TEX46: variants seen among roughly 807,000 people sequenced by gnomAD.
The protein encoded by TEX46 is testis-expressed protein 46.
In TEX46, 6 loss-of-function variants were observed where a neutral mutation model predicts 5.3. That is an observed-to-expected ratio of 1.13 (90% CI 0.62 to 2.23). TEX46 has a LOEUF of 2.23. TEX46 is among the 30% of genes most tolerant of loss of function. The pLI is 0.00. For missense variants in TEX46, 131 were observed against 150.9 expected (o/e 0.87, Z 0.69); for synonymous variants, 41 against 54.6 (o/e 0.75, Z 1.10).
In TEX46 at chr1:23,011,009, G is replaced by T; in HGVS notation, c.258C>A (p.His86Gln). The T allele has an allele frequency of 1.3e-6, 2 of 1,535,836 alleles. No homozygotes were observed. Among genetic ancestry groups the T allele is most frequent in the Non-Finnish European group, 1.7e-6 (2 of 1,146,698 alleles). The change falls in exon 3 of 3, where the codon CAC becomes CAA. Residue 86 changes from histidine to glutamine, a missense_variant. Transcript: ENST00000566855. ...AATTCCGATGTCTGCTTGACCGCCCGTGGTGATTCATTTTATTCCATATGA... is the reference window on the plus strand; with the variant it reads ...AATTCCGATGTCTGCTTGACCGCCCTTGGTGATTCATTTTATTCCATATGA... ...MFIIWNKMNH[H>Q]GRSSRHRNFP...
chr1:23,013,069 T>C (rs1641375266), intron 2 of TEX46, among the ~76,000 whole-genome samples: 1 of 152,154 alleles, frequency 6.6e-6, no homozygotes, highest in Non-Finnish European at 1.5e-5. Context: ...TTCCTCATGT[T>C]GCCTGGGCTA....
chr1:23,013,412 A>T (rs1291784968), intron 2 of TEX46, among the ~76,000 whole-genome samples: 1 of 149,308 alleles, frequency 6.7e-6, no homozygotes, highest in East Asian at 2.0e-4. Flanking sequence ...ACTTCAAGTG[A>T]TCCACCTGCC....
chr1:23,014,131 A>T (rs1641387850), intron 1 of TEX46, 86 bp from the exon 2 acceptor site: 3 of 1,459,762 alleles, frequency 2.1e-6, no homozygotes, highest in African/African-American at 2.8e-5. Context: ...CCATGACAAG[A>T]GTCACGGCCA....
intron 1 of TEX46, among the ~76,000 whole-genome samples, chr1:23,015,436 C>CAAAAAAAAAAAAAAAAAA (rs61258225): frequency 3.6e-5 from 1 of 27,776 alleles, no homozygotes; most frequent in Non-Finnish European, 5.8e-5. Context: ...GACTCCTTCT[C>CAAAAAAAAAAAAAAAAAA]AAAAAAAAAA....
chr1:23,013,226 G>C (rs1037715627), intron 2 of TEX46, among the ~76,000 whole-genome samples: 2 of 151,150 alleles, frequency 1.3e-5, no homozygotes, highest in Non-Finnish European at 2.9e-5. Context: ...AGGCTGGAGT[G>C]CAGTGGCATG....
rs1182405951 is a variant in TEX46, at chr1:23,011,098, C to T, written c.169G>A (p.Glu57Lys). The T allele has an allele frequency of 3.9e-6, 6 of 1,535,714 alleles. No individual in the cohort carries two copies. The highest frequency in any genetic ancestry group is 4.4e-6 in the Non-Finnish European group (5 of 1,146,696). Residue 57 changes from glutamate to lysine, a missense_variant, in exon 3 of 3, where the codon GAG (glutamate) becomes AAG (lysine). Glu to Lys is a moderately conservative substitution (Grantham distance 56). Transcript: ENST00000566855. Reference protein sequence around the residue: ...KLTLPEPQQDEILQRLLFSEM... With the variant: ...KLTLPEPQQDKILQRLLFSEM... Reference sequence around the variant, plus strand: ...CTGAACAACAGCCGTTGGAGGATCTCGTCCTGGAGGGCAAAGCAGGCATGC... The same window carrying T: ...CTGAACAACAGCCGTTGGAGGATCTTGTCCTGGAGGGCAAAGCAGGCATGC...
chr1:23,014,011 T>C lies in TEX46; in HGVS notation c.37A>G (p.Ile13Val), dbSNP rs901611462. Residue 13 changes from isoleucine to valine, a missense_variant, in exon 2 of 3, where the codon ATA becomes GTA. Physicochemically the swap from Ile to Val is conservative, Grantham distance 29. Transcript: ENST00000566855. The part of the protein sequence containing the change: ...LHGILASAGT[I>V]GAVAAWLMSY... The stretch of plus-strand genomic sequence containing the variant: ...ATCAGCCAAGCTGCCACTGCTCCTA[T>C]GGTGCCTGCGGAGGCAAGTATCCCA... 2 of 1,536,096 alleles carry C rather than the reference T, an allele frequency of 1.3e-6. No homozygotes were observed. Among genetic ancestry groups the C allele is most frequent in the Non-Finnish European group, 1.7e-6 (2 of 1,146,880 alleles).
chr1:23,014,749 C>T (rs1289749961), intron 1 of TEX46, among the ~76,000 whole-genome samples: 3 of 151,980 alleles, frequency 2.0e-5, no homozygotes, highest in Non-Finnish European at 4.4e-5. Flanking sequence ...TTTTTAGAGA[C>T]AAGGTCTTGC....
chr1:23,014,380 A>T (rs1002925860), intron 1 of TEX46, among the ~76,000 whole-genome samples: 2 of 151,980 alleles, frequency 1.3e-5, no homozygotes, highest in African/African-American at 4.8e-5. Flanking sequence ...AGCCCCTACC[A>T]TCATAGGGGC....
chr1:23,012,782 G>A (rs1003121509), intron 2 of TEX46, among the ~76,000 whole-genome samples: 1 of 151,800 alleles, frequency 6.6e-6, no homozygotes, highest in Admixed American at 6.6e-5. Context: ...GGCCCAATAT[G>A]TCAATAGTGC....
intron 2 of TEX46, among the ~76,000 whole-genome samples, chr1:23,013,027 G>A (rs548658917): frequency 2.0e-5 from 3 of 151,936 alleles, no homozygotes; most frequent in East Asian, 3.9e-4. Context: ...ACCATGCCTG[G>A]CTCATTTTTG....
intron 1 of TEX46, 72 bp downstream of exon 1, chr1:23,015,700 C>G (rs10917344): frequency 0.46 from 310,701 of 679,262 alleles, 73,994 homozygotes; most frequent in East Asian, 0.52. Context: ...CATAGATGAA[C>G]CTTGAGGACA....
chr1:23,013,851 T>C (rs772850797), intron 2 of TEX46, 32 bp downstream of exon 2: 3 of 1,531,580 alleles, frequency 2.0e-6, no homozygotes, highest in South Asian at 1.2e-5. Context: ...CCCCTATCCC[T>C]GAGCTGAAGC....
chr1:23,013,775 C>T (rs1330736974), intron 2 of TEX46, 108 bp downstream of exon 2: 1 of 1,026,422 alleles, frequency 9.7e-7, no homozygotes, highest in African/African-American at 1.6e-5. Context: ...TCTTGGATTC[C>T]CCAGTCTTGC....
intron 1 of TEX46, among the ~76,000 whole-genome samples, chr1:23,015,403 T>C (rs1641405162): frequency 8.9e-6 from 1 of 112,484 alleles, no homozygotes; most frequent in East Asian, 3.1e-4. Context: ...GCCACTGCAC[T>C]CCAGCCTGGG....
At chr1:23,015,175 C>A (rs1641402339) in intron 1 of TEX46, among the ~76,000 whole-genome samples, 1 of 151,334 alleles carries the variant, frequency 6.6e-6, no homozygotes, top group African/African-American at 2.4e-5. Context: ...GCTAGCCAGG[C>A]ACGGTGGCTC....
chr1:23,011,244 T>TA, intron 2 of TEX46, 143 bp from the exon 3 acceptor site: 1 of 627,192 alleles, frequency 1.6e-6, no homozygotes, highest in Non-Finnish European at 2.8e-6. Context: ...AGTTGGTTAA[T>TA]AATGATAATC....
rs981669464 is a variant in TEX46 at position 23,013,938 on chromosome 1, A to G, written c.110T>C (p.Leu37Pro). ...LFGFLFLLLL[L>P]SNWLVKYEHK... is the part of the protein sequence containing the mutation. ...TTCATACTTGACCAACCAGTTGCTAAGCAACAGCAGAAGGAATAGGAACCC... is the reference window on the plus strand; with the variant it reads ...TTCATACTTGACCAACCAGTTGCTAGGCAACAGCAGAAGGAATAGGAACCC... The change falls in exon 2 of 3, where the codon CTT (leucine) becomes CCT (proline). Residue 37 changes from leucine (L) to proline (P), a missense_variant. Transcript: ENST00000566855. The G allele has an allele frequency of 2.6e-6, 4 of 1,536,020 alleles. No homozygotes were observed. The highest frequency in any genetic ancestry group is 3.5e-6 in the Non-Finnish European group (4 of 1,146,908).
chr1:23,015,435 T>C (rs1295153188), intron 1 of TEX46, among the ~76,000 whole-genome samples: 3 of 29,778 alleles, frequency 1.0e-4, no homozygotes, highest in African/African-American at 4.8e-4. Context: ...AGACTCCTTC[T>C]CAAAAAAAAA....
Sources: gnomAD v4.1 joint callset for allele counts (sites outside exome capture counted in the v4.1 genomes callset) on GRCh38, gnomAD v4.1.1 for gene constraint, MANE v1.5 for transcripts, NCBI Gene and HGNC (gene_info 2026-07-23, HGNC 2026-07-21) for gene names.